Variants in MAPK10 observed in about 807,000 individuals in gnomAD.
MAPK10 encodes the protein mitogen-activated protein kinase 10, also known as JNK3 alpha protein kinase.
A neutral mutation model predicts 59.3 loss-of-function variants in MAPK10; 25 were observed. The observed-to-expected ratio is 0.42, with a 90% CI of 0.31 to 0.59. The LOEUF is 0.59. MAPK10 is among the 20% of genes least tolerant of loss of function. MAPK10 has a pLI of 0.15. For missense variants in MAPK10, 351 were observed against 568.9 expected, an observed-to-expected ratio of 0.62 and a Z score of 3.90; for synonymous variants, 190 against 200.5, an observed-to-expected ratio of 0.95 and a Z score of 0.44.
chr4:86,365,967 T>G (rs933477403), intron 1 of MAPK10, among the ~76,000 whole-genome samples: 1 of 152,204 alleles, frequency 6.6e-6, no homozygotes, highest in African/African-American at 2.4e-5. Flanking sequence ...ATGGCATGTG[T>G]GTAGTCTGAG....
At chr4:86,311,020 T>A (rs1416738954) in intron 2 of MAPK10, among the ~76,000 whole-genome samples, 1 of 143,710 alleles carries the variant, frequency 7.0e-6, no homozygotes, top group Non-Finnish European at 1.5e-5. Flanking sequence ...ACTATATGAT[T>A]ACACAGTTTT....
At chr4:86,181,600 A>T (rs959895440) in intron 3 of MAPK10, among the ~76,000 whole-genome samples, 5 of 152,142 alleles carry the variant, frequency 3.3e-5, no homozygotes, top group African/African-American at 1.2e-4. Context: ...TTTGAAAAGC[A>T]AGCAAACACA....
intron 11 of MAPK10, among the ~76,000 whole-genome samples, chr4:86,052,263 T>A (rs970658611): frequency 5.3e-5 from 8 of 152,170 alleles, no homozygotes; most frequent in African/African-American, 1.9e-4. Flanking sequence ...AAAACGTGTA[T>A]TAAATCTTTT....
At chr4:86,319,888 C>T (rs992252298) in intron 2 of MAPK10, among the ~76,000 whole-genome samples, 8 of 152,230 alleles carry the variant, frequency 5.3e-5, no homozygotes, top group Admixed American at 2.0e-4. Flanking sequence ...AGGCAGAAAC[C>T]TCTTCCTCTA....
chr4:86,178,140 T>C (rs1477700000), intron 3 of MAPK10, among the ~76,000 whole-genome samples: 2 of 152,122 alleles, frequency 1.3e-5, no homozygotes, highest in African/African-American at 4.8e-5. Flanking sequence ...CCACAATATT[T>C]TGGAATTTGT....
chr4:86,380,158 G>T (rs1284664845), intron 1 of MAPK10, among the ~76,000 whole-genome samples: 1 of 152,092 alleles, frequency 6.6e-6, no homozygotes, highest in Non-Finnish European at 1.5e-5. Context: ...GGAGGCAGAG[G>T]TTGTGGTGGG....
chr4:86,539,052 T>C (rs1464946600), intron 1 of MAPK10, among the ~76,000 whole-genome samples: 1 of 152,138 alleles, frequency 6.6e-6, no homozygotes, highest in Non-Finnish European at 1.5e-5. Context: ...ATCAGTGTTG[T>C]AGTTATGAGG....
intron 11 of MAPK10, among the ~76,000 whole-genome samples, chr4:86,041,529 T>C (rs931920636): frequency 6.6e-6 from 1 of 152,094 alleles, no homozygotes; most frequent in Non-Finnish European, 1.5e-5. Flanking sequence ...GAAACTATCA[T>C]CAGACTGAAC....
chr4:86,056,681 A>G (rs1334359714), intron 11 of MAPK10, among the ~76,000 whole-genome samples: 1 of 150,104 alleles, frequency 6.7e-6, no homozygotes, highest in Non-Finnish European at 1.5e-5. Flanking sequence ...AAGGAATGAG[A>G]ATAACTCCTT....
intron 1 of MAPK10, among the ~76,000 whole-genome samples, chr4:86,448,320 A>T (rs1296693179): frequency 6.6e-6 from 1 of 151,956 alleles, no homozygotes; most frequent in African/African-American, 2.4e-5. Context: ...TTTTTTTGTC[A>T]GAATTTTCTA....
At chr4:86,063,320 G>T (rs759947631) in intron 11 of MAPK10, among the ~76,000 whole-genome samples, 8 of 152,130 alleles carry the variant, frequency 5.3e-5, no homozygotes, top group Admixed American at 3.3e-4. Flanking sequence ...ATATCTTTAA[G>T]AATACTTTGG....
chr4:86,467,521 G>C (rs958395779), intron 1 of MAPK10, among the ~76,000 whole-genome samples: 1 of 151,850 alleles, frequency 6.6e-6, no homozygotes, highest in Non-Finnish European at 1.5e-5. Flanking sequence ...ATTTTTGTTT[G>C]TTTGTTTGTT....
At chr4:86,106,285 C>T (rs1030677158) in intron 5 of MAPK10, among the ~76,000 whole-genome samples, 5 of 151,856 alleles carry the variant, frequency 3.3e-5, no homozygotes, top group South Asian at 2.1e-4. Context: ...TTTATAAAAC[C>T]GCACTGGTAA....
chr4:86,135,126 C>A (rs1426386908), intron 4 of MAPK10, among the ~76,000 whole-genome samples: 1 of 152,204 alleles, frequency 6.6e-6, no homozygotes, highest in East Asian at 1.9e-4. Flanking sequence ...CCCGCCATTG[C>A]CCAGGCTTGC....
chr4:86,183,747 A>G (rs1465953619), intron 3 of MAPK10, among the ~76,000 whole-genome samples: 2 of 152,018 alleles, frequency 1.3e-5, no homozygotes, highest in African/African-American at 4.8e-5. Flanking sequence ...CTAGTTTACA[A>G]TCCCATCAAC....
intron 1 of MAPK10, among the ~76,000 whole-genome samples, chr4:86,548,649 T>G (rs999585570): frequency 1.3e-5 from 2 of 152,192 alleles, no homozygotes; most frequent in Non-Finnish European, 2.9e-5. Flanking sequence ...ATGCTTCCTG[T>G]ATAGCCCATG....
At chr4:86,123,147 T>C (rs1171401703) in intron 4 of MAPK10, among the ~76,000 whole-genome samples, 2 of 152,066 alleles carry the variant, frequency 1.3e-5, no homozygotes, top group Admixed American at 6.6e-5. Flanking sequence ...GGTCATACAG[T>C]ATTTGTCTTT....
chr4:86,427,917 A>T (rs1747514950), intron 1 of MAPK10, among the ~76,000 whole-genome samples: 1 of 152,242 alleles, frequency 6.6e-6, no homozygotes, highest in South Asian at 2.1e-4. Context: ...GTTTTCTGGT[A>T]TTTTAACTTA....
At chr4:86,387,202 G>T (rs1741576374) in intron 1 of MAPK10, among the ~76,000 whole-genome samples, 1 of 152,152 alleles carries the variant, frequency 6.6e-6, no homozygotes, top group Admixed American at 6.5e-5. Context: ...GTTACGGCTG[G>T]TTGTTTGGGG....
Sources: allele counts gnomAD v4.1 joint callset (sites outside exome capture counted in the v4.1 genomes callset), GRCh38; gene constraint gnomAD v4.1.1; transcripts MANE v1.5; gene names NCBI Gene and HGNC (gene_info 2026-07-23, HGNC 2026-07-21).